TFF3: variants seen among roughly 807,000 people sequenced by gnomAD.
TFF3 encodes the protein polypeptide P1.B.
Under a neutral mutation model 9.7 loss-of-function variants are expected in TFF3, and 6 were observed. That is an observed-to-expected ratio of 0.62 (90% CI 0.34 to 1.22). TFF3 has a LOEUF of 1.22. Among genes scored for constraint, TFF3 ranks in the 50% most tolerant of loss-of-function variants. The pLI is 0.04. For missense variants in TFF3, 93 were observed against 98.6 expected (o/e 0.94, Z 0.24); for synonymous variants, 48 against 41.4 (o/e 1.16, Z -0.61).
At chr21:42,312,310 A>G in intron 2 of TFF3, 41 bp from the exon 3 acceptor site, 3 of 1,562,254 alleles carry the variant, frequency 1.9e-6, no homozygotes, top group Non-Finnish European at 2.6e-6. Context: ...GTCTCTCTCC[A>G]CCCACGCTGC....
chr21:42,311,788 T>C lies in TFF3; in HGVS notation c.*468A>G, dbSNP rs1411629844. Reference sequence around the variant, plus strand: ...CACTTTGGAAGACAGTTTTATTGGCTTGCTGTCTTCACCAAGAAAGACTTG... The same window carrying C: ...CACTTTGGAAGACAGTTTTATTGGCCTGCTGTCTTCACCAAGAAAGACTTG... On this transcript the variant is annotated 3_prime_UTR_variant, in exon 3 of 3. Transcript: ENST00000518498. 3.4e-6 allele frequency: 1 copy of C among 294,244 alleles called. No homozygotes were observed. Among genetic ancestry groups the C allele is most frequent in the African/African-American group, 2.2e-5 (1 of 45,054 alleles). 18.2% of individuals were successfully genotyped at this position (294,244 alleles called of 1,614,324 possible). A position where few individuals can be genotyped will look rare whatever the true frequency, so the allele number is the denominator to read the frequency against.
Position 42,313,136 on chromosome 21 carries a change from G to A in TFF3, c.229+349C>T, listed in dbSNP as rs1410023046. ...GCCACAAATGACAAGACTCTGGGGG[G>A]CCGATTTGCAAAAACAGCCCAAAAG... On this transcript the variant is annotated intron_variant, in intron 2 of 2. Transcript: ENST00000518498. This position sits in a 1 kb window ranked among gnomAD's most constrained non-coding sequence, Gnocchi z 4.0. 2.0e-5 allele frequency among the ~76,000 whole-genome samples: 3 copies of A among 152,148 alleles called. No homozygotes were observed. Among genetic ancestry groups the A allele is most frequent in the African/African-American group, 7.2e-5 (3 of 41,426 alleles).
At position 42,313,614 on chromosome 21, in the gene TFF3, C is replaced by T. The variant is rs548903448; in HGVS notation, c.100G>A (p.Val34Met). The T allele has an allele frequency of 3.0e-5, 49 of 1,610,196 alleles. No homozygotes were observed. The highest frequency in any genetic ancestry group is 2.2e-4 in the Middle Eastern group (1 of 4,500). The stretch of plus-strand genomic sequence containing the variant: ...CAGTCCACCCTGTCCTTGGCTGGCA[C>T]GGCACACTGGTTTGCAGCTGTCCCA... ...YVGLSANQCAVPAKDRVDCGY... is the reference protein window; with the variant it reads ...YVGLSANQCAMPAKDRVDCGY... The change falls in exon 2 of 3, where the codon GTG becomes ATG. Residue 34 changes from valine (V) to methionine (M), a missense_variant. Coordinates refer to ENST00000518498, the MANE Select transcript of TFF3 (RefSeq NM_003226.4). This position sits in a 1 kb window ranked among gnomAD's most constrained non-coding sequence, Gnocchi z 4.0.
Position 42,311,961 on chromosome 21 carries a change from T to A in TFF3, c.*295A>T. The A allele has an allele frequency of 1.6e-6, 1 of 618,282 alleles. No individual in the cohort carries two copies. Among genetic ancestry groups the A allele is most frequent in the East Asian group, 2.8e-5 (1 of 35,358 alleles). The allele number at this position is 618,282 out of a possible 1,614,324, so 38.3% of individuals were successfully genotyped here. A position where few individuals can be genotyped will look rare whatever the true frequency, so the allele number is the denominator to read the frequency against. The stretch of plus-strand genomic sequence containing the variant: ...GCACTGCAGCTCCTTAGGGAGTCTT[T>A]TCCTGCCCTTGAGGCCTGGGCAGAC... On this transcript the variant is annotated 3_prime_UTR_variant, in exon 3 of 3. Coordinates refer to ENST00000518498, the MANE Select transcript of TFF3 (RefSeq NM_003226.4).
rs1601480502 is a variant in TFF3, at chr21:42,315,400, C to G, written c.-26G>C. The G allele has an allele frequency of 1.2e-6, 2 of 1,614,132 alleles. No homozygotes were observed. The highest frequency in any genetic ancestry group is 2.7e-5 in the African/African-American group (2 of 74,956). ...GACCACCGTGGGCTCCGGGACGCAG[C>G]TCAGGACTCGCTTCATGGTCCAGGA... is the stretch of plus-strand genomic sequence containing the variant. On this transcript the variant is annotated 5_prime_UTR_variant, in exon 1 of 3. Transcript: ENST00000518498.
At position 42,312,201 on chromosome 21, in the gene TFF3, C is replaced by T. The variant is rs566305312; in HGVS notation, c.*55G>A. 2.4e-5 allele frequency: 38 copies of T among 1,613,370 alleles called. No homozygotes were observed. The highest frequency in any genetic ancestry group is 1.2e-4 in the African/African-American group (9 of 75,044). ...AACAGTGCCTGGCAGCAATCACAGC[C>T]GGGCAAGGGTGCTCCGAGCCTCGCA... On this transcript the variant is annotated 3_prime_UTR_variant, in exon 3 of 3. Coordinates refer to ENST00000518498, the MANE Select transcript of TFF3 (RefSeq NM_003226.4).
chr21:42,311,978 T>C lies in TFF3; in HGVS notation c.*278A>G. On this transcript the variant is annotated 3_prime_UTR_variant, in exon 3 of 3. Transcript: ENST00000518498. ...GGAGTCTTTTCCTGCCCTTGAGGCC[T>C]GGGCAGACTCTCCCCTGACACCCTC... The C allele has an allele frequency of 1.5e-6, 1 of 649,828 alleles. No individual in the cohort carries two copies. Among genetic ancestry groups the C allele is most frequent in the Non-Finnish European group, 2.8e-6 (1 of 356,110 alleles). 40.3% of individuals were successfully genotyped at this position (649,828 alleles called of 1,614,324 possible). A position where few individuals can be genotyped will look rare whatever the true frequency, so the allele number is the denominator to read the frequency against.
In TFF3 at chr21:42,312,117, A is replaced by G; in HGVS notation, c.*139T>C. Reference sequence around the variant, plus strand: ...TTTATTCGTTAAGACATCAGGCTCCAGATATGAACTTTCAGCAGAAGCGCT... The same window carrying G: ...TTTATTCGTTAAGACATCAGGCTCCGGATATGAACTTTCAGCAGAAGCGCT... On this transcript the variant is annotated 3_prime_UTR_variant, in exon 3 of 3. Coordinates refer to ENST00000518498, the MANE Select transcript of TFF3 (RefSeq NM_003226.4). The G allele has an allele frequency of 8.7e-7, 1 of 1,145,288 alleles. No individual in the cohort carries two copies. Among genetic ancestry groups the G allele is most frequent in the East Asian group, 2.3e-5 (1 of 42,772 alleles). 70.9% of individuals were successfully genotyped at this position (1,145,288 alleles called of 1,614,324 possible).
chr21:42,312,391 G>T, intron 2 of TFF3, 122 bp from the exon 3 acceptor site: 1 of 1,196,052 alleles, frequency 8.4e-7, no homozygotes, highest in Non-Finnish European at 1.2e-6. Flanking sequence ...AGTCACCGGG[G>T]AGTGTTGAGT....
intron 2 of TFF3, among the ~76,000 whole-genome samples, chr21:42,312,687 G>A (rs892707040): frequency 1.3e-5 from 2 of 152,120 alleles, no homozygotes; most frequent in Admixed American, 1.3e-4. Context: ...CATTGATCAG[G>A]GAGCCGGGGC....
intron 1 of TFF3, among the ~76,000 whole-genome samples, chr21:42,314,474 C>T (rs1392632466): frequency 2.0e-5 from 3 of 152,052 alleles, no homozygotes; most frequent in East Asian, 1.9e-4. Context: ...GCCAACATAG[C>T]GAAACTCCAT....
chr21:42,312,342 A>G, intron 2 of TFF3, 73 bp from the exon 3 acceptor site: 2 of 1,526,270 alleles, frequency 1.3e-6, no homozygotes, highest in South Asian at 1.3e-5. Context: ...AGGTCAGGGC[A>G]GGCTCCAAGG....
rs879215885 is a variant in TFF3, at chr21:42,315,288, C to A, written c.82+5G>T. 5.0e-6 allele frequency: 8 copies of A among 1,612,654 alleles called. No individual in the cohort carries two copies. The highest frequency in any genetic ancestry group is 6.8e-6 in the Non-Finnish European group (8 of 1,179,592). The stretch of plus-strand genomic sequence containing the variant: ...TGCCACCGGGGCAGTCAGGGCAGTA[C>A]TCACACAGGCCCACGTACTCCTCAG... On this transcript the variant is annotated splice_donor_5th_base_variant and intron_variant, in intron 1 of 2. Coordinates refer to ENST00000518498, the MANE Select transcript of TFF3 (RefSeq NM_003226.4).
chr21:42,312,241 G>A lies in TFF3; in HGVS notation c.*15C>T, dbSNP rs192423444. ...CGAGCCTCGCATCCCCCGGCCGGGG[G>A]CAGCTGGAGGTGCCTCAGAAGGTGC... On this transcript the variant is annotated 3_prime_UTR_variant, in exon 3 of 3. Coordinates refer to ENST00000518498, the MANE Select transcript of TFF3 (RefSeq NM_003226.4). The A allele has an allele frequency of 2.2e-4, 357 of 1,613,368 alleles. 6 individuals are homozygous for A. In the Admixed American group the frequency reaches 5.8e-3, roughly 26 times the overall value.
intron 2 of TFF3, 35 bp from the exon 3 acceptor site, chr21:42,312,304 C>T (rs745464495): frequency 1.3e-6 from 2 of 1,571,698 alleles, no homozygotes; most frequent in Admixed American, 3.6e-5. Flanking sequence ...TGAGCAGTCT[C>T]TCTCCACCCA....
In TFF3 at chr21:42,313,679, C is replaced by G; in HGVS notation, c.83-48G>C. On this transcript the variant is annotated intron_variant, in intron 1 of 2. Coordinates refer to ENST00000518498, the MANE Select transcript of TFF3 (RefSeq NM_003226.4). This position sits in a 1 kb window ranked among gnomAD's most constrained non-coding sequence, Gnocchi z 4.0. ...AGCTGCCAGAGCCCTTGCTGGGCTGCGGTGAGTGTGTTTGCTTCACTTTGC... is the reference window on the plus strand; with the variant it reads ...AGCTGCCAGAGCCCTTGCTGGGCTGGGGTGAGTGTGTTTGCTTCACTTTGC... 6.4e-7 allele frequency: 1 copy of G among 1,563,124 alleles called. No homozygotes were observed. Among genetic ancestry groups the G allele is most frequent in the East Asian group, 2.4e-5 (1 of 41,958 alleles).
At position 42,313,664 on chromosome 21, in the gene TFF3, G is replaced by A; in HGVS notation, c.83-33C>T. The A allele has an allele frequency of 1.3e-6, 2 of 1,588,326 alleles. No individual in the cohort carries two copies. Among genetic ancestry groups the A allele is most frequent in the African/African-American group, 1.3e-5 (1 of 74,088 alleles). ...AGACAAAGCCCTGTCAGCTGCCAGAGCCCTTGCTGGGCTGCGGTGAGTGTG... is the reference window on the plus strand; with the variant it reads ...AGACAAAGCCCTGTCAGCTGCCAGAACCCTTGCTGGGCTGCGGTGAGTGTG... On this transcript the variant is annotated intron_variant, in intron 1 of 2. Transcript: ENST00000518498. The surrounding 1 kb of genome is among the most constrained non-coding windows in gnomAD (Gnocchi z 4.0).
Position 42,312,241 on chromosome 21 carries a change from GC to G in TFF3, c.*14del, listed in dbSNP as rs757940343. On this transcript the variant is annotated 3_prime_UTR_variant, in exon 3 of 3. Coordinates refer to ENST00000518498, the MANE Select transcript of TFF3 (RefSeq NM_003226.4). ...CGAGCCTCGCATCCCCCGGCCGGGG[GC>G]AGCTGGAGGTGCCTCAGAAGGTGCA... The G allele has an allele frequency of 6.2e-7, 1 of 1,613,368 alleles. No homozygotes were observed. Among genetic ancestry groups the G allele is most frequent in the East Asian group, 2.2e-5 (1 of 44,870 alleles).
chr21:42,314,598 A>C lies in TFF3; in HGVS notation c.82+695T>G, dbSNP rs1055761520. Among the ~76,000 whole-genome samples the C allele has an allele frequency of 2.0e-5, 3 of 152,252 alleles. No individual in the cohort carries two copies. The South Asian group carries it at 6.2e-4, about 31-fold the overall frequency. On this transcript the variant is annotated intron_variant, in intron 1 of 2. Transcript: ENST00000518498. ...AACCCAGGAGGCGGAGGTTGCAGTG[A>C]GCTGAGATTGTGCCACTGCACTCCA...
Sources: allele counts gnomAD v4.1 joint callset (sites outside exome capture counted in the v4.1 genomes callset), GRCh38; gene constraint gnomAD v4.1.1; non-coding constraint Gnocchi (gnomAD v3.1); transcripts MANE v1.5; gene names NCBI Gene and HGNC (gene_info 2026-07-23, HGNC 2026-07-21).